Variants in CHN2 observed in about 807,000 individuals in gnomAD.
The protein encoded by CHN2 is beta-chimaerin.
CHN2 carries 35 observed loss-of-function variants against 56.3 expected under a neutral mutation model. That is an observed-to-expected ratio of 0.62 (90% CI 0.47 to 0.82). The LOEUF is 0.82. CHN2 is among the 40% of genes least tolerant of loss of function. CHN2 has a pLI of 0.00. For missense variants in CHN2, 491 were observed against 580.5 expected (o/e 0.85, Z 1.58); for synonymous variants, 210 against 212.8 (o/e 0.99, Z 0.12).
At chr7:29,498,758 CTTTTTTTTT>C (rs138784356) in intron 8 of CHN2, among the ~76,000 whole-genome samples, 3 of 100,076 alleles carry the variant, frequency 3.0e-5, no homozygotes, top group African/African-American at 4.3e-5. Context: ...ACTATGCTGC[CTTTTTTTTT>C]TTTTTTTTTT....
chr7:29,346,831 T>G (rs983631441), intron 1 of CHN2, among the ~76,000 whole-genome samples: 1 of 152,224 alleles, frequency 6.6e-6, no homozygotes, highest in African/African-American at 2.4e-5. Flanking sequence ...GGAGCACATG[T>G]GTTCTTTAAT....
intron 3 of CHN2, among the ~76,000 whole-genome samples, chr7:29,378,144 A>T (rs934568528): frequency 1.3e-5 from 2 of 152,246 alleles, no homozygotes; most frequent in African/African-American, 4.8e-5. Flanking sequence ...CAAGTCAAGG[A>T]TGCAGCTCAG....
chr7:29,246,418 C>T (rs751473324), intron 1 of CHN2, among the ~76,000 whole-genome samples: 1 of 152,058 alleles, frequency 6.6e-6, no homozygotes, highest in Non-Finnish European at 1.5e-5. Flanking sequence ...GAACTTCTTC[C>T]CTCCTTGTTT....
chr7:29,413,896 C>T (rs141717406), intron 6 of CHN2, among the ~76,000 whole-genome samples: 54 of 152,288 alleles, frequency 3.5e-4, no homozygotes, highest in Middle Eastern at 6.8e-3. Flanking sequence ...TGATTCTAAT[C>T]GTCTTCTGCT....
intron 3 of CHN2, among the ~76,000 whole-genome samples, chr7:29,389,433 TA>T (rs1399178440): frequency 6.6e-6 from 1 of 152,184 alleles, no homozygotes; most frequent in African/African-American, 2.4e-5. Flanking sequence ...TAAAATCATC[TA>T]GGGGGCTTGA....
upstream of CHN2, chr7:29,194,693 C>T: frequency 2.5e-6 from 1 of 394,926 alleles, no homozygotes; most frequent in Non-Finnish European, 4.4e-6. Flanking sequence ...CACCTACCCC[C>T]TGACACCCAT....
At chr7:29,298,432 C>T (rs1449484581) in intron 1 of CHN2, among the ~76,000 whole-genome samples, 1 of 152,080 alleles carries the variant, frequency 6.6e-6, no homozygotes, top group Non-Finnish European at 1.5e-5. Context: ...AAGCCGAATG[C>T]TAAGGTGAAG....
chr7:29,340,334 T>G (rs1796941811), intron 1 of CHN2, among the ~76,000 whole-genome samples: 1 of 150,932 alleles, frequency 6.6e-6, no homozygotes, highest in Admixed American at 6.6e-5. Flanking sequence ...AGTTTTTATA[T>G]TCAGAAATCT....
intron 6 of CHN2, among the ~76,000 whole-genome samples, chr7:29,431,801 G>A (rs1372678548): frequency 1.3e-5 from 2 of 152,086 alleles, no homozygotes; most frequent in African/African-American, 2.4e-5. Flanking sequence ...ATTCTCCAGT[G>A]GCCACACTCC....
At position 29,335,652 on chromosome 7, in the gene CHN2, C is replaced by T. The variant is rs1350568670; in HGVS notation, c.50-18973C>T. On this transcript the variant is annotated intron_variant, in intron 1 of 12. Coordinates refer to ENST00000222792, the MANE Select transcript of CHN2 (RefSeq NM_004067.4). ...GTGTCAGGTAAGGCACTCTGCAAAT[C>T]CTGGCGAGGAAGGAGACTTACAATA... The T allele has an allele frequency of 5.3e-5, 8 of 152,334 alleles. No individual in the cohort carries two copies. The East Asian group carries it at 1.3e-3, about 26-fold the overall frequency. The allele number at this position is 152,334 out of a possible 1,614,324, so 9.4% of individuals were successfully genotyped here.
chr7:29,311,256 G>A (rs1387049006), intron 1 of CHN2, among the ~76,000 whole-genome samples: 3 of 152,074 alleles, frequency 2.0e-5, no homozygotes, highest in African/African-American at 7.3e-5. Context: ...TCCTGTCACC[G>A]ACAACCTGGC....
intron 11 of CHN2, 92 bp from the exon 12 acceptor site, chr7:29,509,209 C>T (rs910065202): frequency 2.1e-5 from 18 of 847,748 alleles, no homozygotes; most frequent in Non-Finnish European, 3.5e-5. Context: ...AATCCTTCCC[C>T]ACTTCTGGCT....
At chr7:29,179,348 C>G (rs2128739872) in intron 2 of CHN2, among the ~76,000 whole-genome samples, 1 of 152,332 alleles carries the variant, frequency 6.6e-6, no homozygotes, top group South Asian at 2.1e-4. Flanking sequence ...GTTCTGCCTT[C>G]CTTCCCACAC....
chr7:29,306,912 A>G (rs1794212976), intron 1 of CHN2, among the ~76,000 whole-genome samples: 1 of 152,236 alleles, frequency 6.6e-6, no homozygotes, highest in Non-Finnish European at 1.5e-5. Context: ...CAGTGGTGTG[A>G]AGCATGTGGA....
Position 29,157,186 on chromosome 7 carries a change from C to T in CHN2, c.274+10226C>T, listed in dbSNP as rs1215898432. Among the ~76,000 whole-genome samples, 11 of 152,324 alleles carry T rather than the reference C, an allele frequency of 7.2e-5. 1 individual carries two copies. In the South Asian group the frequency reaches 2.3e-3, roughly 32 times the overall value. On this transcript the variant is annotated intron_variant, in intron 2 of 6. Transcript: ENST00000439384. The stretch of plus-strand genomic sequence containing the variant: ...TCCCACTTAACATCCTAATCACCCA[C>T]ATCAGCAGTTTACACTGCAGCTACC...
chr7:29,379,327 G>T (rs1010635784), intron 3 of CHN2, among the ~76,000 whole-genome samples: 3 of 152,182 alleles, frequency 2.0e-5, no homozygotes, highest in African/African-American at 7.2e-5. Flanking sequence ...AAAGGGGTGC[G>T]TGGGATCTGT....
Position 29,507,512 on chromosome 7 carries a change from A to G in CHN2, c.1129+147A>G. The stretch of plus-strand genomic sequence containing the variant: ...AGGGCACAACAATAAATAGCTGACC[A>G]GGCATAGTTCAACAGCTGAGCTGAA... On this transcript the variant is annotated intron_variant, in intron 11 of 12. Transcript: ENST00000222792. 1.2e-5 allele frequency: 8 copies of G among 655,520 alleles called. No homozygotes were observed. In the South Asian group the frequency reaches 1.6e-4, roughly 13 times the overall value. The allele number at this position is 655,520 out of a possible 1,614,324, so 40.6% of individuals were successfully genotyped here.
At chr7:29,256,074 T>A (rs1004575806) in intron 1 of CHN2, among the ~76,000 whole-genome samples, 2 of 152,230 alleles carry the variant, frequency 1.3e-5, no homozygotes, top group African/African-American at 4.8e-5. Flanking sequence ...ATGCCTTTTT[T>A]CTTTCTTTTC....
At chr7:29,258,813 G>C (rs1789289073) in intron 1 of CHN2, among the ~76,000 whole-genome samples, 1 of 152,076 alleles carries the variant, frequency 6.6e-6, no homozygotes, top group Admixed American at 6.5e-5. Context: ...TACAACCTCT[G>C]CAAAGAGGAA....
Sources: gnomAD v4.1 joint callset for allele counts (sites outside exome capture counted in the v4.1 genomes callset) on GRCh38, gnomAD v4.1.1 for gene constraint, MANE v1.5 for transcripts, NCBI Gene and HGNC (gene_info 2026-07-23, HGNC 2026-07-21) for gene names.